THAP8: variants seen among roughly 807,000 people sequenced by gnomAD.
THAP8 encodes the protein THAP domain containing 8.
THAP8 carries 24 observed loss-of-function variants against 25.0 expected under a neutral mutation model. The observed-to-expected ratio is 0.96, with a 90% CI of 0.69 to 1.35. THAP8 has a LOEUF of 1.35. Among genes scored for constraint, THAP8 ranks in the 40% most tolerant of loss-of-function variants. THAP8 has a pLI of 0.00. For synonymous variants in THAP8, 169 were observed against 157.6 expected, an observed-to-expected ratio of 1.07 and a Z score of -0.54; for missense variants, 399 against 368.8, an observed-to-expected ratio of 1.08 and a Z score of -0.67.
Position 36,039,455 on chromosome 19 carries a change from C to A in THAP8, c.540G>T (p.Leu180=), listed in dbSNP as rs1599716196. ...GTTGCAGCCTCCGCACCCGGCGTTG[C>A]AGTGCTCCCAGCACTGGGCCCAGCC... ...QTGLGPVLGA[L]QRRVRRLQRC... Residue 180 remains leucine (L), a synonymous_variant, in exon 3 of 4, where the codon CTG becomes CTT. Coordinates refer to ENST00000292894, the MANE Select transcript of THAP8 (RefSeq NM_152658.3). 6.3e-7 allele frequency: 1 copy of A among 1,598,882 alleles called. No homozygotes were observed.
At chr19:36,036,656 C>G (rs1969458264) in intron 3 of THAP8, among the ~76,000 whole-genome samples, 1 of 151,880 alleles carries the variant, frequency 6.6e-6, no homozygotes, top group African/African-American at 2.4e-5. Flanking sequence ...ATCTGAGACT[C>G]CTGGCTGGGC....
chr19:36,054,389 C>G (rs1970222405), upstream of THAP8: 4 of 701,694 alleles, frequency 5.7e-6, no homozygotes, highest in Non-Finnish European at 9.8e-6. Flanking sequence ...AGGCGCCCCT[C>G]CACAGTGCCA....
intron 1 of THAP8, among the ~76,000 whole-genome samples, chr19:36,049,680 T>G (rs1249048243): frequency 2.2e-3 from 1 of 460 alleles, no homozygotes; most frequent in Non-Finnish European, 5.3e-3. Context: ...TCCTCCTTAT[T>G]ATACATACAA....
At chr19:36,053,239 TGTATTTTTAGTA>T (rs1178805596) in intron 1 of THAP8, among the ~76,000 whole-genome samples, 1 of 151,644 alleles carries the variant, frequency 6.6e-6, no homozygotes, top group Non-Finnish European at 1.5e-5. Context: ...ATCTAATTTT[TGTATTTTTAGTA>T]GACACGGGGT....
chr19:36,043,634 A>C (rs1006482510), intron 1 of THAP8, among the ~76,000 whole-genome samples: 4 of 152,154 alleles, frequency 2.6e-5, no homozygotes, highest in Admixed American at 2.6e-4. Context: ...TGGGAGGCCG[A>C]GGTGGGCGGA....
rs770131063 is a variant in THAP8 at position 36,054,232 on chromosome 19, C to T, written c.-15G>A. ...TACTTGGGCATGGCTATCCAGCCCC[C>T]GCTGAGTTTTGCCGGGTCAGCGGCT... is the stretch of plus-strand genomic sequence containing the variant. On this transcript the variant is annotated 5_prime_UTR_variant, in exon 1 of 4. Coordinates refer to ENST00000292894, the MANE Select transcript of THAP8 (RefSeq NM_152658.3). 9 of 1,611,918 alleles carry T rather than the reference C, an allele frequency of 5.6e-6. No homozygotes were observed. The highest frequency in any genetic ancestry group is 5.0e-5 in the Admixed American group (3 of 59,758).
At chr19:36,050,753 C>A (rs1970033103) in intron 1 of THAP8, among the ~76,000 whole-genome samples, 1 of 152,142 alleles carries the variant, frequency 6.6e-6, no homozygotes, top group African/African-American at 2.4e-5. Context: ...AAGAAATACT[C>A]AAAAAGTTGC....
intron 1 of THAP8, among the ~76,000 whole-genome samples, chr19:36,042,926 C>T (rs1170408134): frequency 6.6e-6 from 1 of 151,892 alleles, no homozygotes; most frequent in Non-Finnish European, 1.5e-5. Flanking sequence ...GCCACCATGC[C>T]CGGCTTATTT....
intron 2 of THAP8, 100 bp downstream of exon 2, chr19:36,039,844 G>A (rs759740966): frequency 1.6e-5 from 25 of 1,576,054 alleles, no homozygotes; most frequent in African/African-American, 8.2e-5. Flanking sequence ...AGGAAGTGTC[G>A]TCAGGAGGGG....
chr19:36,050,208 C>A (rs949261098), intron 1 of THAP8, among the ~76,000 whole-genome samples: 20 of 152,134 alleles, frequency 1.3e-4, no homozygotes, highest in African/African-American at 4.8e-4. Context: ...TACAGTGGCA[C>A]AATCACAGCT....
intron 1 of THAP8, among the ~76,000 whole-genome samples, chr19:36,049,748 T>C (rs1970000548): frequency 6.6e-6 from 1 of 152,196 alleles, no homozygotes; most frequent in Non-Finnish European, 1.5e-5. Context: ...GTTGTTGTTA[T>C]GAGAGAGGTA....
chr19:36,046,166 G>A (rs886585573), intron 1 of THAP8, among the ~76,000 whole-genome samples: 2 of 152,108 alleles, frequency 1.3e-5, no homozygotes, highest in Non-Finnish European at 2.9e-5. Context: ...CCATGATAGT[G>A]AGTGAGTTCT....
chr19:36,039,483 G>A lies in THAP8; in HGVS notation c.512C>T (p.Thr171Ile). The A allele has an allele frequency of 1.9e-6, 3 of 1,592,940 alleles. No homozygotes were observed. Among genetic ancestry groups the A allele is most frequent in the Non-Finnish European group, 2.6e-6 (3 of 1,167,966 alleles). The stretch of plus-strand genomic sequence containing the variant: ...TGCTCCCAGCACTGGGCCCAGCCCG[G>A]TCTGGGCCTGTTGGGCAGGGACTTC... Reference protein sequence around the residue: ...QPEVPAQQAQTGLGPVLGALQ... With the variant: ...QPEVPAQQAQIGLGPVLGALQ... The change falls in exon 3 of 4, where the codon ACC becomes ATC. Residue 171 changes from threonine to isoleucine, a missense_variant. Physicochemically the swap from Thr to Ile is moderately conservative, Grantham distance 89. Transcript: ENST00000292894.
chr19:36,054,065 G>T (rs1024467270), intron 1 of THAP8, 70 bp downstream of exon 1: 3 of 1,526,230 alleles, frequency 2.0e-6, no homozygotes, highest in Non-Finnish European at 2.7e-6. Context: ...CCGCACAGCA[G>T]CACTAATGCT....
intron 1 of THAP8, among the ~76,000 whole-genome samples, chr19:36,042,747 A>C (rs1969740118): frequency 6.6e-6 from 1 of 152,154 alleles, no homozygotes; most frequent in Non-Finnish European, 1.5e-5. Flanking sequence ...ATACAATGGA[A>C]TTTTATTTTA....
At chr19:36,054,636 C>G (rs773875836), upstream of THAP8, 75 of 547,546 alleles carry the variant, frequency 1.4e-4, no homozygotes, top group Admixed American at 2.5e-4. Context: ...CGGCAAAAAC[C>G]GAGGTGAGGC....
In THAP8 at chr19:36,035,353, G is replaced by A. The variant is rs938889298; in HGVS notation, c.*87C>T. ...GAGGCACTGCTACTACCCAGGCGTG[G>A]GCGGTGGGGCTGGGCCAAGCCCACG... On this transcript the variant is annotated 3_prime_UTR_variant, in exon 4 of 4. Transcript: ENST00000292894. 5 of 1,521,710 alleles carry A rather than the reference G, an allele frequency of 3.3e-6. No homozygotes were observed. The highest frequency in any genetic ancestry group is 1.3e-5 in the South Asian group (1 of 78,688). The allele number at this position is 1,521,710 out of a possible 1,614,324, so 94.3% of individuals were successfully genotyped here. A position where few individuals can be genotyped will look rare whatever the true frequency, so the allele number is the denominator to read the frequency against.
At chr19:36,036,435 AT>A (rs1969449120) in intron 3 of THAP8, among the ~76,000 whole-genome samples, 1 of 151,972 alleles carries the variant, frequency 6.6e-6, no homozygotes, top group Admixed American at 6.6e-5. Flanking sequence ...CACTTGGCTA[AT>A]TTTTTGTGTT....
At chr19:36,052,019 T>C (rs1970068931) in intron 1 of THAP8, among the ~76,000 whole-genome samples, 1 of 146,546 alleles carries the variant, frequency 6.8e-6, no homozygotes, top group Non-Finnish European at 1.5e-5. Flanking sequence ...TTGCCCTCCA[T>C]TTTTTTTTTG....
Sources: gnomAD v4.1 joint callset for allele counts (sites outside exome capture counted in the v4.1 genomes callset) on GRCh38, gnomAD v4.1.1 for gene constraint, MANE v1.5 for transcripts, NCBI Gene and HGNC (gene_info 2026-07-23, HGNC 2026-07-21) for gene names.